The following ZNF385D variants were observed in gnomAD, a reference collection of about 807,000 sequenced individuals.
The protein encoded by ZNF385D is zinc finger protein 659.
A neutral mutation model predicts 35.8 loss-of-function variants in ZNF385D; 15 were observed. The ratio of observed to expected loss-of-function variants is 0.42; its 90% CI spans 0.28 to 0.64. The LOEUF (loss-of-function observed/expected upper bound fraction) is 0.64. Among genes scored for constraint, ZNF385D ranks in the 30% least tolerant of loss-of-function variants. ZNF385D has a pLI of 0.23. For synonymous variants in ZNF385D, 212 were observed against 186.8 expected (o/e 1.13, Z -1.10); for missense variants, 474 against 494.6 (o/e 0.96, Z 0.39).
chr3:22,342,276 C>CAAA (rs766689054), intron 2 of ZNF385D, among the ~76,000 whole-genome samples: 903 of 53,036 alleles, frequency 0.017, 37 homozygotes, highest in East Asian at 0.058. Flanking sequence ...GACTCCGCCT[C>CAAA]AAAAAAAAAA....
intron 1 of ZNF385D, among the ~76,000 whole-genome samples, chr3:21,737,390 C>G (rs770867486): frequency 4.6e-5 from 7 of 151,702 alleles, no homozygotes; most frequent in Admixed American, 3.9e-4. Context: ...AATCAGTATA[C>G]GATACATAAA....
chr3:21,913,649 TTC>T (rs1348148918), intron 3 of ZNF385D, among the ~76,000 whole-genome samples: 1 of 152,144 alleles, frequency 6.6e-6, no homozygotes, highest in African/African-American at 2.4e-5. Context: ...ATGCTATTCT[TTC>T]TGTTTATACA....
At chr3:21,698,285 A>G (rs1370927268) in intron 1 of ZNF385D, among the ~76,000 whole-genome samples, 2 of 152,172 alleles carry the variant, frequency 1.3e-5, no homozygotes, top group African/African-American at 4.8e-5. Flanking sequence ...TAACAAAATC[A>G]TATCTTTTAC....
chr3:22,168,995 T>G (rs900416730), exon 3 of ZNF385D: 1 of 985,740 alleles, frequency 1.0e-6, no homozygotes, highest in African/African-American at 1.7e-5. Flanking sequence ...CATCAGGTAT[T>G]AATTCAGCCT....
intron 3 of ZNF385D, among the ~76,000 whole-genome samples, chr3:21,773,803 AT>A (rs1408647524): frequency 1.3e-5 from 2 of 151,934 alleles, no homozygotes; most frequent in African/African-American, 4.8e-5. Context: ...AGAAAAAGGA[AT>A]GCTTTTACAC....
intron 3 of ZNF385D, among the ~76,000 whole-genome samples, chr3:21,956,675 A>G (rs760703384): frequency 1.1e-4 from 16 of 151,726 alleles, no homozygotes; most frequent in Non-Finnish European, 2.2e-4. Context: ...GTAAAAAGTG[A>G]TAAATGATTT....
rs1424376115 is a variant in ZNF385D, at chr3:21,420,404, C to T, written c.*810G>A. The T allele has an allele frequency of 6.6e-6, 1 of 152,172 alleles. No individual in the cohort carries two copies. The highest frequency in any genetic ancestry group is 2.4e-5 in the African/African-American group (1 of 41,456). The allele number at this position is 152,172 out of a possible 1,614,324, so 9.4% of individuals were successfully genotyped here. On this transcript the variant is annotated 3_prime_UTR_variant, in exon 8 of 8. Transcript: ENST00000281523. ...AGATATAGGTTCATTATAAACACTT[C>T]CCTGTTTCCAGCAATATATCTTCAG...
At chr3:21,887,804 A>G (rs1204179978) in intron 3 of ZNF385D, among the ~76,000 whole-genome samples, 8 of 152,110 alleles carry the variant, frequency 5.3e-5, no homozygotes, top group East Asian at 3.8e-4. Flanking sequence ...ATCTTTTCCT[A>G]TATCACTAAG....
At chr3:22,163,887 T>C (rs895509600) in intron 3 of ZNF385D, among the ~76,000 whole-genome samples, 5 of 147,578 alleles carry the variant, frequency 3.4e-5, no homozygotes, top group African/African-American at 1.3e-4. Flanking sequence ...TTTTTCTAAA[T>C]AACCTAAAAA....
At chr3:21,884,805 A>C (rs1382565090) in intron 3 of ZNF385D, among the ~76,000 whole-genome samples, 1 of 152,088 alleles carries the variant, frequency 6.6e-6, no homozygotes, top group Admixed American at 6.6e-5. Flanking sequence ...CAATATTTAC[A>C]CGGTGGAAAT....
At chr3:21,826,950 G>C (rs1480538237) in intron 3 of ZNF385D, among the ~76,000 whole-genome samples, 2 of 152,156 alleles carry the variant, frequency 1.3e-5, no homozygotes, top group Non-Finnish European at 2.9e-5. Flanking sequence ...GACAGAGCTT[G>C]GTTCTGCCAT....
At chr3:21,901,729 T>C (rs924728854) in intron 3 of ZNF385D, among the ~76,000 whole-genome samples, 2 of 152,150 alleles carry the variant, frequency 1.3e-5, no homozygotes, top group African/African-American at 4.8e-5. Context: ...ATGTATTAAC[T>C]TGCAAAACAA....
chr3:22,066,720 A>G (rs1699982587), intron 3 of ZNF385D, among the ~76,000 whole-genome samples: 1 of 152,128 alleles, frequency 6.6e-6, no homozygotes, highest in Non-Finnish European at 1.5e-5. Flanking sequence ...TGCTAAGAAG[A>G]TAAGTGATGT....
At chr3:22,270,029 C>G (rs980244237) in intron 2 of ZNF385D, among the ~76,000 whole-genome samples, 3 of 151,912 alleles carry the variant, frequency 2.0e-5, no homozygotes, top group Admixed American at 6.6e-5. Context: ...ATTGCAGACT[C>G]TGGCTCAGAC....
rs543208691 is a variant in ZNF385D, at chr3:21,530,226, C to T, written c.277-19203G>A. On this transcript the variant is annotated intron_variant, in intron 3 of 7. Transcript: ENST00000281523. ...TATGCTTTATGTACAGTCCTCAGAACTGTAAGCTAAAATAAATGTCTTTTC... is the reference window on the plus strand; with the variant it reads ...TATGCTTTATGTACAGTCCTCAGAATTGTAAGCTAAAATAAATGTCTTTTC... Among the ~76,000 whole-genome samples the T allele has an allele frequency of 4.0e-4, 61 of 152,276 alleles. 1 individual carries two copies. In the South Asian group the frequency reaches 0.011, roughly 28 times the overall value.
intron 3 of ZNF385D, among the ~76,000 whole-genome samples, chr3:21,960,287 C>T (rs1438737139): frequency 6.6e-6 from 1 of 151,602 alleles, no homozygotes. Context: ...ATAAACATTT[C>T]TCAAAAGAAG....
intron 2 of ZNF385D, among the ~76,000 whole-genome samples, chr3:21,595,284 G>A (rs578061208): frequency 2.6e-5 from 4 of 151,886 alleles, no homozygotes; most frequent in Admixed American, 6.6e-5. Context: ...ACCTCCAGGC[G>A]AGCCCTATTC....
chr3:21,906,804 GAT>G (rs1559741898), intron 3 of ZNF385D, among the ~76,000 whole-genome samples: 1 of 152,140 alleles, frequency 6.6e-6, no homozygotes, highest in Non-Finnish European at 1.5e-5. Context: ...GACCAGGTGA[GAT>G]AACTTATTTT....
At chr3:22,321,420 C>T (rs1321452166) in intron 2 of ZNF385D, among the ~76,000 whole-genome samples, 1 of 151,964 alleles carries the variant, frequency 6.6e-6, no homozygotes, top group East Asian at 1.9e-4. Flanking sequence ...GGCTGGAGTG[C>T]AATGGCGTGA....
Sources: allele counts gnomAD v4.1 joint callset (sites outside exome capture counted in the v4.1 genomes callset), GRCh38; gene constraint gnomAD v4.1.1; transcripts MANE v1.5; gene names NCBI Gene and HGNC (gene_info 2026-07-23, HGNC 2026-07-21).